The following ORC2 variants were observed in gnomAD, a reference collection of about 807,000 sequenced individuals.
ORC2 encodes the protein origin recognition complex subunit 2.
ORC2 carries 37 observed loss-of-function variants against 77.7 expected under a neutral mutation model. That is an observed-to-expected ratio of 0.48 (90% CI 0.37 to 0.63). ORC2 has a LOEUF of 0.63. Ranked by LOEUF, ORC2 falls within the 20% of genes least tolerant of loss-of-function variation. ORC2 has a pLI of 0.00. For synonymous variants in ORC2, 201 were observed against 229.5 expected (o/e 0.88, Z 1.12); for missense variants, 557 against 661.9 (o/e 0.84, Z 1.74).
intron 12 of ORC2, 76 bp downstream of exon 12, chr2:200,926,692 C>G: frequency 6.8e-7 from 1 of 1,460,410 alleles, no homozygotes; most frequent in Non-Finnish European, 9.5e-7. Flanking sequence ...TTCTTTAATA[C>G]TCCATCCTCA....
intron 1 of ORC2, among the ~76,000 whole-genome samples, 183 bp from the exon 2 acceptor site, chr2:200,959,623 C>A (rs993874230): frequency 6.6e-6 from 1 of 152,142 alleles, no homozygotes; most frequent in African/African-American, 2.4e-5. Flanking sequence ...GGCTAGGAAG[C>A]CCTAGATACT....
chr2:200,912,544 C>A (rs1446200151), intron 17 of ORC2, among the ~76,000 whole-genome samples: 2 of 152,028 alleles, frequency 1.3e-5, no homozygotes, highest in Admixed American at 6.5e-5. Flanking sequence ...GCCTCCTGGG[C>A]AGCTGGGACT....
At position 200,909,224 on chromosome 2, in the gene ORC2, A is replaced by G. The variant is rs986603920; in HGVS notation, c.*2077T>C. 4.6e-5 allele frequency: 7 copies of G among 152,218 alleles called. No homozygotes were observed. The highest frequency in any genetic ancestry group is 1.4e-4 in the African/African-American group (6 of 41,464). 9.4% of individuals were successfully genotyped at this position (152,218 alleles called of 1,614,324 possible). ...AAAGGAGAAAGACAGATACTTTTAC[A>G]TATGCATAGACGATATCTGGAAGAA... On this transcript the variant is annotated 3_prime_UTR_variant, in exon 18 of 18. Coordinates refer to ENST00000234296, the MANE Select transcript of ORC2 (RefSeq NM_006190.5).
intron 5 of ORC2, among the ~76,000 whole-genome samples, chr2:200,944,025 AAAG>A (rs1259281406): frequency 6.6e-6 from 1 of 152,196 alleles, no homozygotes; most frequent in Non-Finnish European, 1.5e-5. Flanking sequence ...CTTCATATGA[AAAG>A]AAGCAACAAA....
Position 200,911,171 on chromosome 2 carries a change from C to G in ORC2, c.*130G>C, listed in dbSNP as rs547694172. The G allele has an allele frequency of 8.5e-5, 54 of 633,758 alleles. No individual in the cohort carries two copies. The highest frequency in any genetic ancestry group is 4.2e-4 in the East Asian group (15 of 35,558). 39.3% of individuals were successfully genotyped at this position (633,758 alleles called of 1,614,324 possible). The stretch of plus-strand genomic sequence containing the variant: ...AAAGTTCTAATTGAGGACATCCCCC[C>G]CTTCCCAAATTTAAATCTTGTATGC... On this transcript the variant is annotated 3_prime_UTR_variant, in exon 18 of 18. Coordinates refer to ENST00000234296, the MANE Select transcript of ORC2 (RefSeq NM_006190.5).
intron 13 of ORC2, among the ~76,000 whole-genome samples, chr2:200,923,773 GA>G (rs1309337530): frequency 3.3e-5 from 5 of 152,052 alleles, no homozygotes; most frequent in African/African-American, 4.8e-5. Flanking sequence ...AGAAAAATGT[GA>G]AAAACGTAGC....
chr2:200,922,627 T>C (rs917460655), intron 13 of ORC2, among the ~76,000 whole-genome samples: 4 of 151,604 alleles, frequency 2.6e-5, no homozygotes, highest in Admixed American at 6.6e-5. Context: ...GACAATACAG[T>C]GACAAAGATT....
chr2:200,931,780 T>C (rs1452545501), intron 10 of ORC2, among the ~76,000 whole-genome samples: 1 of 152,190 alleles, frequency 6.6e-6, no homozygotes, highest in Non-Finnish European at 1.5e-5. Context: ...CTTACTATTA[T>C]CATTAGTAAA....
intron 5 of ORC2, among the ~76,000 whole-genome samples, chr2:200,946,968 T>C (rs1452110319): frequency 6.6e-6 from 1 of 152,154 alleles, no homozygotes; most frequent in Non-Finnish European, 1.5e-5. Flanking sequence ...AGTGGTGCAA[T>C]CTTGGCTCAC....
At position 200,935,856 on chromosome 2, in the gene ORC2, G is replaced by A; in HGVS notation, c.551C>T (p.Ser184Phe). 1 of 1,613,882 alleles carries A rather than the reference G, an allele frequency of 6.2e-7. No homozygotes were observed. The highest frequency in any genetic ancestry group is 8.5e-7 in the Non-Finnish European group (1 of 1,179,946). ...RSHSDSESEY[S>F]ASNSEDDEGV... Reference sequence around the variant, plus strand: ...TTCATCATCCTCTGAGTTGGAAGCAGAATATTCGCTTTCACTGTCAGAATG... The same window carrying A: ...TTCATCATCCTCTGAGTTGGAAGCAAAATATTCGCTTTCACTGTCAGAATG... The change falls in exon 9 of 18, where the codon TCT (serine) becomes TTT (phenylalanine). Residue 184 changes from serine (S) to phenylalanine (F), a missense_variant. Physicochemically the swap from Ser to Phe is radical, Grantham distance 155. Coordinates refer to ENST00000234296, the MANE Select transcript of ORC2 (RefSeq NM_006190.5).
intron 11 of ORC2, 153 bp from the exon 12 acceptor site, chr2:200,927,053 G>A (rs972916892): frequency 2.5e-5 from 18 of 726,216 alleles, no homozygotes; most frequent in African/African-American, 2.3e-4. Flanking sequence ...TTTTGGGAAG[G>A]CAAACGCAAA....
In ORC2 at chr2:200,941,331, T is replaced by C. The variant is rs545834130; in HGVS notation, c.422-52A>G. 55 of 1,543,616 alleles carry C rather than the reference T, an allele frequency of 3.6e-5. 1 individual carries two copies. Among genetic ancestry groups the C allele is most frequent in the South Asian group, 2.1e-4 (18 of 87,682 alleles). On this transcript the variant is annotated intron_variant, in intron 6 of 17. Coordinates refer to ENST00000234296, the MANE Select transcript of ORC2 (RefSeq NM_006190.5). Reference sequence around the variant, plus strand: ...CTTACTACGGACACTTCACTTTTCATTGTGGTCTAGTTTCATTAAAAGTAA... The same window carrying C: ...CTTACTACGGACACTTCACTTTTCACTGTGGTCTAGTTTCATTAAAAGTAA...
chr2:200,948,385 G>T (rs2041290595), intron 5 of ORC2, among the ~76,000 whole-genome samples: 1 of 152,080 alleles, frequency 6.6e-6, no homozygotes. Flanking sequence ...TAATTTTAAG[G>T]TTATATGTAA....
chr2:200,947,713 C>A (rs1301184140), intron 5 of ORC2, among the ~76,000 whole-genome samples: 1 of 152,060 alleles, frequency 6.6e-6, no homozygotes, highest in Non-Finnish European at 1.5e-5. Context: ...ACCACAAGAT[C>A]GAAATACAGT....
chr2:200,942,647 A>C (rs1368181963), intron 6 of ORC2, 38 bp downstream of exon 6: 4 of 1,121,596 alleles, frequency 3.6e-6, no homozygotes, highest in Non-Finnish European at 5.2e-6. Context: ...TGAAGCAACT[A>C]TGAAAATTCT....
At chr2:200,944,743 T>C (rs1011835797) in intron 5 of ORC2, among the ~76,000 whole-genome samples, 4 of 152,170 alleles carry the variant, frequency 2.6e-5, no homozygotes, top group African/African-American at 9.7e-5. Flanking sequence ...TCTTCCTATG[T>C]TGCTCAGGCT....
chr2:200,914,525 T>G (rs1440919223), intron 15 of ORC2, among the ~76,000 whole-genome samples: 1 of 152,088 alleles, frequency 6.6e-6, no homozygotes, highest in African/African-American at 2.4e-5. Flanking sequence ...ACACCTATAA[T>G]CTCACCCCTT....
chr2:200,925,777 T>TTC (rs1212485667), intron 13 of ORC2, 59 bp downstream of exon 13: 52 of 685,244 alleles, frequency 7.6e-5, no homozygotes, highest in Non-Finnish European at 1.2e-4. Flanking sequence ...AATACATGAA[T>TTC]AAGTAGAAGT....
intron 5 of ORC2, among the ~76,000 whole-genome samples, chr2:200,945,802 T>C (rs1347612405): frequency 2.6e-5 from 4 of 152,204 alleles, no homozygotes; most frequent in Non-Finnish European, 4.4e-5. Flanking sequence ...TCTGCTCCTC[T>C]GTTGATGAAC....
Sources: gnomAD v4.1 joint callset for allele counts (sites outside exome capture counted in the v4.1 genomes callset) on GRCh38, gnomAD v4.1.1 for gene constraint, MANE v1.5 for transcripts, NCBI Gene and HGNC (gene_info 2026-07-23, HGNC 2026-07-21) for gene names.